Variants in SND1 observed in about 807,000 individuals in gnomAD.
The protein encoded by SND1 is staphylococcal nuclease domain-containing protein 1.
A neutral mutation model predicts 121.7 loss-of-function variants in SND1; 38 were observed. That is an observed-to-expected ratio of 0.31 (90% CI 0.24 to 0.41). SND1 has a LOEUF of 0.41. SND1 is among the 10% of genes least tolerant of loss of function. The pLI is 1.00. For synonymous variants in SND1, 401 were observed against 447.4 expected (o/e 0.90, Z 1.31); for missense variants, 868 against 1,184.6 (o/e 0.73, Z 3.92).
At position 127,884,856 on chromosome 7, in the gene SND1, C is replaced by T. The variant is rs184402031; in HGVS notation, c.1344-3046C>T. 6.6e-5 allele frequency among the ~76,000 whole-genome samples: 10 copies of T among 152,266 alleles called. No individual in the cohort carries two copies. The East Asian group carries it at 1.9e-3, about 29-fold the overall frequency. On this transcript the variant is annotated intron_variant, in intron 12 of 23. Coordinates refer to ENST00000354725, the MANE Select transcript of SND1 (RefSeq NM_014390.4). Reference sequence around the variant, plus strand: ...TACAGGGTTCATTCTAGTTTTCTTCCTTTCCATATTTGTATATACCTACTC... The same window carrying T: ...TACAGGGTTCATTCTAGTTTTCTTCTTTTCCATATTTGTATATACCTACTC...
At chr7:127,856,686 A>C (rs2116672685) in intron 12 of SND1, among the ~76,000 whole-genome samples, 1 of 152,322 alleles carries the variant, frequency 6.6e-6, no homozygotes, top group Middle Eastern at 3.4e-3. Context: ...GGGATTCAGC[A>C]GACTGTTGCT....
chr7:127,872,111 A>G (rs1799601259), intron 12 of SND1, among the ~76,000 whole-genome samples: 1 of 152,228 alleles, frequency 6.6e-6, no homozygotes, highest in African/African-American at 2.4e-5. Flanking sequence ...AGCCTGGGCA[A>G]CAAAGTGAGA....
At chr7:127,936,296 T>A (rs1181823999) in intron 15 of SND1, among the ~76,000 whole-genome samples, 1 of 152,170 alleles carries the variant, frequency 6.6e-6, no homozygotes, top group Non-Finnish European at 1.5e-5. Flanking sequence ...TTGTCCATAG[T>A]TAGCAAGGAA....
chr7:127,798,052 T>C (rs753926719), intron 10 of SND1, among the ~76,000 whole-genome samples: 3 of 151,784 alleles, frequency 2.0e-5, no homozygotes, highest in Non-Finnish European at 4.4e-5. Flanking sequence ...AGACGCAGAT[T>C]TTTTTTCTTA....
intron 1 of SND1, among the ~76,000 whole-genome samples, chr7:127,655,387 T>C (rs1441468961): frequency 1.3e-5 from 2 of 152,214 alleles, no homozygotes; most frequent in Non-Finnish European, 1.5e-5. Flanking sequence ...CTGTGTCTGC[T>C]ATTGAGAGTT....
At chr7:127,774,837 C>T (rs1356482297) in intron 10 of SND1, among the ~76,000 whole-genome samples, 1 of 152,162 alleles carries the variant, frequency 6.6e-6, no homozygotes, top group East Asian at 1.9e-4. Context: ...CCTCGGCCTC[C>T]CAAAGTGCTG....
At position 127,860,708 on chromosome 7, in the gene SND1, T is replaced by C. The variant is rs541364172; in HGVS notation, c.1343+16284T>C. Among the ~76,000 whole-genome samples, 17 of 152,360 alleles carry C rather than the reference T, an allele frequency of 1.1e-4. 1 individual carries two copies. In the South Asian group the frequency reaches 3.5e-3, roughly 32 times the overall value. On this transcript the variant is annotated intron_variant, in intron 12 of 23. Coordinates refer to ENST00000354725, the MANE Select transcript of SND1 (RefSeq NM_014390.4). ...AAAACACCCTCCTAGAAGGAATCCT[T>C]AGGCAGTAAAAGGTGTTAATCTCTT...
chr7:127,893,723 T>C (rs1800059929), intron 13 of SND1, among the ~76,000 whole-genome samples: 1 of 152,078 alleles, frequency 6.6e-6, no homozygotes, highest in Admixed American at 6.6e-5. Context: ...GTATTCTATT[T>C]CTTGCCTGGC....
chr7:127,865,280 T>C (rs965347551), intron 12 of SND1, among the ~76,000 whole-genome samples: 5 of 152,258 alleles, frequency 3.3e-5, no homozygotes, highest in African/African-American at 1.2e-4. Context: ...TCTGTCCTTC[T>C]ATCTATAAAG....
chr7:127,662,052 G>A (rs1795322370), intron 1 of SND1, among the ~76,000 whole-genome samples: 2 of 152,068 alleles, frequency 1.3e-5, no homozygotes, highest in South Asian at 4.1e-4. Flanking sequence ...GGAGGTGGAG[G>A]TTGCAGTGAG....
chr7:128,077,159 G>A (rs1486239179), intron 17 of SND1, among the ~76,000 whole-genome samples: 1 of 152,200 alleles, frequency 6.6e-6, no homozygotes, highest in African/African-American at 2.4e-5. Context: ...AAAGGCCTCC[G>A]CCACCTTGGC....
intron 8 of SND1, among the ~76,000 whole-genome samples, chr7:127,706,084 C>T (rs1348628067): frequency 1.3e-5 from 2 of 152,078 alleles, no homozygotes; most frequent in Non-Finnish European, 2.9e-5. Context: ...TGTTGTTCTA[C>T]AATTAAGTTA....
At chr7:127,763,095 G>A (rs992752100) in intron 10 of SND1, among the ~76,000 whole-genome samples, 2 of 152,110 alleles carry the variant, frequency 1.3e-5, no homozygotes, top group Non-Finnish European at 2.9e-5. Flanking sequence ...AGCACATTCA[G>A]GTGACAAAAC....
intron 13 of SND1, among the ~76,000 whole-genome samples, chr7:127,902,047 G>A (rs1212523993): frequency 6.6e-6 from 1 of 152,154 alleles, no homozygotes; most frequent in African/African-American, 2.4e-5. Context: ...TTAAGTCCTA[G>A]ATTTCTGCTT....
chr7:128,045,103 G>C (rs1490140363), intron 16 of SND1, among the ~76,000 whole-genome samples: 4 of 152,204 alleles, frequency 2.6e-5, no homozygotes, highest in African/African-American at 9.6e-5. Context: ...AAAGCAAAAG[G>C]AGCTCTTGTA....
At chr7:127,665,860 T>A (rs1795407789) in intron 1 of SND1, among the ~76,000 whole-genome samples, 1 of 152,230 alleles carries the variant, frequency 6.6e-6, no homozygotes, top group South Asian at 2.1e-4. Context: ...GTGACATTTA[T>A]CTGCTTGCCT....
chr7:127,692,118 G>A (rs918257429), intron 2 of SND1, among the ~76,000 whole-genome samples: 1 of 152,172 alleles, frequency 6.6e-6, no homozygotes, highest in Non-Finnish European at 1.5e-5. Flanking sequence ...AGTATTGAAT[G>A]TTGGGTCATT....
chr7:127,845,338 A>G (rs536905941), intron 12 of SND1, among the ~76,000 whole-genome samples: 6 of 152,310 alleles, frequency 3.9e-5, no homozygotes, highest in African/African-American at 1.4e-4. Context: ...GGAAATGACT[A>G]TTTTTAGCCA....
intron 12 of SND1, among the ~76,000 whole-genome samples, chr7:127,855,282 G>A (rs1409259921): frequency 6.6e-6 from 1 of 151,894 alleles, no homozygotes; most frequent in African/African-American, 2.4e-5. Flanking sequence ...ACCCCACCTG[G>A]CTAATTTTTG....
Sources: allele counts gnomAD v4.1 joint callset (sites outside exome capture counted in the v4.1 genomes callset), GRCh38; gene constraint gnomAD v4.1.1; transcripts MANE v1.5; gene names NCBI Gene and HGNC (gene_info 2026-07-23, HGNC 2026-07-21).